Variants in ERBB4 observed in about 807,000 individuals in gnomAD.
The protein encoded by ERBB4 is erb-b2 receptor tyrosine kinase 4.
ERBB4 carries 42 observed loss-of-function variants against 158.0 expected under a neutral mutation model. The ratio of observed to expected loss-of-function variants is 0.27; its 90% confidence interval spans 0.21 to 0.34. The LOEUF (loss-of-function observed/expected upper bound fraction) is 0.34, where lower values mean the gene tolerates loss of function less well. ERBB4 is among the 10% of genes least tolerant of loss of function. The probability of loss-of-function intolerance (pLI) is 1.00; values close to 1 mark genes in which losing one functional copy is unlikely to be tolerated. For missense variants in ERBB4, 1,333 were observed against 1,624.1 expected, an observed-to-expected ratio of 0.82 and a Z score of 3.08; for synonymous variants, 583 against 558.7, an observed-to-expected ratio of 1.04 and a Z score of -0.61.
chr2:211,796,311 T>A (rs968967311), intron 3 of ERBB4, among the ~76,000 whole-genome samples: 1 of 151,970 alleles, frequency 6.6e-6, no homozygotes, highest in Non-Finnish European at 1.5e-5. Context: ...AATTCATCTA[T>A]ATTGTTTATT....
At chr2:211,804,419 C>T (rs2076567323) in intron 3 of ERBB4, among the ~76,000 whole-genome samples, 2 of 152,236 alleles carry the variant, frequency 1.3e-5, no homozygotes, top group South Asian at 2.1e-4. Flanking sequence ...TTTCATAATG[C>T]TGAATGGTCT....
intron 1 of ERBB4, among the ~76,000 whole-genome samples, chr2:212,405,329 AAAATAACAGAGG>A (rs927995942): frequency 3.9e-5 from 6 of 152,104 alleles, no homozygotes; most frequent in African/African-American, 1.4e-4. Flanking sequence ...TTAAAAAGTA[AAAATAACAGAGG>A]CCGGTGAGGT....
chr2:212,056,904 A>G (rs1360890889), intron 2 of ERBB4, among the ~76,000 whole-genome samples: 1 of 152,212 alleles, frequency 6.6e-6, no homozygotes, highest in Admixed American at 6.5e-5. Context: ...CATCATAATG[A>G]CAGGATCAAA....
intron 3 of ERBB4, among the ~76,000 whole-genome samples, chr2:211,876,824 G>C (rs2078515709): frequency 1.3e-5 from 2 of 151,992 alleles, no homozygotes; most frequent in African/African-American, 2.4e-5. Context: ...ATTGTAATCA[G>C]TTTTTAAAAT....
intron 1 of ERBB4, among the ~76,000 whole-genome samples, chr2:212,505,634 G>A (rs546755469): frequency 6.7e-6 from 1 of 148,934 alleles, no homozygotes; most frequent in Non-Finnish European, 1.5e-5. Flanking sequence ...AACCTTGACG[G>A]ATGATATAAT....
intron 2 of ERBB4, among the ~76,000 whole-genome samples, chr2:211,974,763 A>G (rs980186346): frequency 6.6e-6 from 1 of 152,000 alleles, no homozygotes; most frequent in East Asian, 1.9e-4. Flanking sequence ...CACTGTCTCA[A>G]AAAAGAAGAA....
At chr2:211,940,908 A>T (rs1375231079) in intron 3 of ERBB4, among the ~76,000 whole-genome samples, 1 of 151,886 alleles carries the variant, frequency 6.6e-6, no homozygotes, top group Non-Finnish European at 1.5e-5. Context: ...GTTGTCTGAG[A>T]ATAAGTCCCA....
intron 25 of ERBB4, among the ~76,000 whole-genome samples, chr2:211,417,288 C>T (rs1226078130): frequency 1.3e-5 from 2 of 151,444 alleles, no homozygotes; most frequent in Admixed American, 6.6e-5. Context: ...GCCTTGGCAA[C>T]ATAAGGAAAC....
chr2:211,914,158 C>A (rs1228270647), intron 3 of ERBB4, among the ~76,000 whole-genome samples: 2 of 151,124 alleles, frequency 1.3e-5, no homozygotes, highest in African/African-American at 4.9e-5. Context: ...TGGGAGTGAC[C>A]CAAGATAGAG....
At chr2:212,147,028 T>C (rs1233389388) in intron 1 of ERBB4, among the ~76,000 whole-genome samples, 1 of 143,264 alleles carries the variant, frequency 7.0e-6, no homozygotes, top group Non-Finnish European at 1.5e-5. Flanking sequence ...TCTCACTCTG[T>C]TGCCCAGGCT....
intron 20 of ERBB4, among the ~76,000 whole-genome samples, chr2:211,523,297 C>T (rs191792324): frequency 2.1e-5 from 3 of 146,286 alleles, no homozygotes; most frequent in East Asian, 2.0e-4. Flanking sequence ...CCTCACACAT[C>T]CCCCCACAGC....
chr2:212,231,774 A>T (rs1486019181), intron 1 of ERBB4, among the ~76,000 whole-genome samples: 1 of 152,162 alleles, frequency 6.6e-6, no homozygotes, highest in Non-Finnish European at 1.5e-5. Context: ...ATATGCATGT[A>T]TTTATTTTGA....
intron 1 of ERBB4, among the ~76,000 whole-genome samples, chr2:212,245,945 T>C (rs2084292233): frequency 6.6e-6 from 1 of 152,112 alleles, no homozygotes; most frequent in East Asian, 1.9e-4. Context: ...TTAAATGTTG[T>C]GGGGGGTGTA....
At chr2:211,552,305 G>C (rs899714616) in intron 20 of ERBB4, among the ~76,000 whole-genome samples, 1 of 151,890 alleles carries the variant, frequency 6.6e-6, no homozygotes, top group Non-Finnish European at 1.5e-5. Flanking sequence ...AAATATAAAT[G>C]GTAGAATCAG....
intron 1 of ERBB4, among the ~76,000 whole-genome samples, chr2:212,380,830 T>C (rs999891225): frequency 2.0e-5 from 3 of 151,154 alleles, no homozygotes; most frequent in African/African-American, 7.3e-5. Flanking sequence ...AGAGATTAAA[T>C]CAAGTATATT....
chr2:212,395,142 T>C (rs186566426), intron 1 of ERBB4, among the ~76,000 whole-genome samples: 1 of 152,270 alleles, frequency 6.6e-6, no homozygotes, highest in Admixed American at 6.5e-5. Flanking sequence ...ATTCTTGAGT[T>C]ATCTAATGCA....
At chr2:212,054,695 A>G (rs2077500263) in intron 2 of ERBB4, among the ~76,000 whole-genome samples, 1 of 152,182 alleles carries the variant, frequency 6.6e-6, no homozygotes, top group Non-Finnish European at 1.5e-5. Flanking sequence ...GGAGAGCAGA[A>G]AAGGGACAAA....
intron 12 of ERBB4, among the ~76,000 whole-genome samples, chr2:211,681,685 T>C (rs2072339514): frequency 6.6e-6 from 1 of 152,274 alleles, no homozygotes; most frequent in Non-Finnish European, 1.5e-5. Context: ...ACCAAATCTT[T>C]TGCCCATTTT....
At chr2:212,254,812 G>A (rs917400887) in intron 1 of ERBB4, among the ~76,000 whole-genome samples, 1 of 152,050 alleles carries the variant, frequency 6.6e-6, no homozygotes, top group African/African-American at 2.4e-5. Context: ...TTTCACAAGA[G>A]TCATTCTAGA....
Sources: gnomAD v4.1 joint callset for allele counts (sites outside exome capture counted in the v4.1 genomes callset) on GRCh38, gnomAD v4.1.1 for gene constraint, MANE v1.5 for transcripts, NCBI Gene and HGNC (gene_info 2026-07-23, HGNC 2026-07-21) for gene names.